Variants in SHBG observed in about 807,000 individuals in gnomAD.
The protein encoded by SHBG is sex hormone binding globulin.
SHBG carries 37 observed loss-of-function variants against 41.9 expected under a neutral mutation model. The observed-to-expected ratio is 0.88, with a 90% confidence interval of 0.68 to 1.16. The LOEUF (loss-of-function observed/expected upper bound fraction) is 1.16. Ranked by LOEUF, SHBG falls within the 50% of genes most tolerant of loss-of-function variation. The pLI is 0.00. For missense variants in SHBG, 466 were observed against 499.9 expected (o/e 0.93, Z 0.65); for synonymous variants, 217 against 205.8 (o/e 1.05, Z -0.47).
At chr17:7,628,740 C>G (rs1444778765), upstream of SHBG, among the ~76,000 whole-genome samples, 2 of 152,002 alleles carry the variant, frequency 1.3e-5, no homozygotes, top group African/African-American at 2.4e-5. Context: ...CCCACCAAGC[C>G]CGGTCTGTCA....
intron 1 of SHBG, chr17:7,614,234 G>C (rs2150950837): frequency 2.9e-6 from 2 of 687,786 alleles, no homozygotes; most frequent in South Asian, 1.5e-5. Flanking sequence ...CCCGGAGATG[G>C]GGGTAGAAGC....
chr17:7,615,474 G>A (rs553018696), intron 1 of SHBG, among the ~76,000 whole-genome samples: 7 of 152,252 alleles, frequency 4.6e-5, no homozygotes, highest in Non-Finnish European at 7.3e-5. Flanking sequence ...AGATTTAACA[G>A]TCATGGCTCT....
upstream of SHBG, chr17:7,628,108 T>TA (rs1438637124): frequency 4.3e-6 from 2 of 462,970 alleles, no homozygotes; most frequent in Non-Finnish European, 8.7e-6. Context: ...TATGCAGTGA[T>TA]AACCTGCTTT....
chr17:7,616,751 C>A (rs2072001167), intron 1 of SHBG, among the ~76,000 whole-genome samples: 1 of 151,962 alleles, frequency 6.6e-6, no homozygotes, highest in South Asian at 2.1e-4. Context: ...GCCTGGCCAA[C>A]ATGGTGAAAC....
At chr17:7,626,859 C>T (rs574625954), upstream of SHBG, 3 of 1,607,262 alleles carry the variant, frequency 1.9e-6, no homozygotes, top group Admixed American at 1.7e-5. Context: ...GAAAATGACA[C>T]CGGCTGGGCT....
intron 1 of SHBG, among the ~76,000 whole-genome samples, chr17:7,618,995 C>T (rs2072041726): frequency 6.6e-6 from 1 of 152,020 alleles, no homozygotes; most frequent in Non-Finnish European, 1.5e-5. Flanking sequence ...ACAGAGAGGA[C>T]AAGGCAGTTA....
rs747698825 is a variant in SHBG, at chr17:7,633,249, A to G, written c.1106A>G (p.Gln369Arg). Residue 369 changes from glutamine to arginine, a missense_variant, in exon 8 of 8, where the codon CAA (glutamine) becomes CGA (arginine). By Grantham distance (43) the Gln-to-Arg change is conservative. Coordinates refer to ENST00000380450, the MANE Select transcript of SHBG (RefSeq NM_001040.5). ...TTTTGCCTGAATGGCCTTTGGGCAC[A>G]AGGTCAGAGGCTGGATGTGGACCAG... is the stretch of plus-strand genomic sequence containing the variant. ...TSFCLNGLWA[Q>R]GQRLDVDQAL... The G allele has an allele frequency of 5.6e-6, 9 of 1,614,092 alleles. No homozygotes were observed. The highest frequency in any genetic ancestry group is 2.5e-6 in the Non-Finnish European group (3 of 1,180,046).
intron 1 of SHBG, among the ~76,000 whole-genome samples, chr17:7,619,836 A>G (rs1170062324): frequency 6.6e-6 from 1 of 152,174 alleles, no homozygotes; most frequent in Admixed American, 6.6e-5. Flanking sequence ...CTGAAGGGCT[A>G]GCTTTTCATC....
chr17:7,628,047 C>T (rs544365734), upstream of SHBG: 108 of 467,470 alleles, frequency 2.3e-4, no homozygotes, highest in Non-Finnish European at 3.4e-5. Context: ...CAACCTGGGT[C>T]GAGATACCCC....
At chr17:7,626,392 G>C, upstream of SHBG, 1 of 1,589,026 alleles carries the variant, frequency 6.3e-7, no homozygotes, top group South Asian at 1.1e-5. Context: ...TCTGAAGAGT[G>C]CTTCAGCTGA....
At chr17:7,614,402 C>T in intron 1 of SHBG, 1 of 1,352,678 alleles carries the variant, frequency 7.4e-7, no homozygotes, top group Non-Finnish European at 1.0e-6. Context: ...CCTGCTCCGG[C>T]CAGGGGAGGG....
Position 7,631,246 on chromosome 17 carries a change from G to A in SHBG, c.440G>A (p.Gly147Glu). 6.2e-7 allele frequency: 1 copy of A among 1,605,152 alleles called. No homozygotes were observed. The highest frequency in any genetic ancestry group is 1.1e-5 in the South Asian group (1 of 89,662). The stretch of plus-strand genomic sequence containing the variant: ...GACTCTGTGCTGCTGGAGGTGGATG[G>A]GGAGGAGGTGCTGCGCCTGAGACAG... ...EGDSVLLEVD[G>E]EEVLRLRQVS... Residue 147 changes from glycine (G) to glutamate (E), a missense_variant, in exon 4 of 8, where the codon GGG (glycine) becomes GAG (glutamate). Coordinates refer to ENST00000380450, the MANE Select transcript of SHBG (RefSeq NM_001040.5).
chr17:7,632,393 A>C (rs908531424), intron 6 of SHBG, among the ~76,000 whole-genome samples: 106 of 152,176 alleles, frequency 7.0e-4, no homozygotes, highest in Admixed American at 1.3e-3. Flanking sequence ...GCAGTGAGCT[A>C]TGATGTGCCA....
At chr17:7,628,086 T>C (rs563027407), upstream of SHBG, 8 of 465,510 alleles carry the variant, frequency 1.7e-5, no homozygotes, top group Admixed American at 1.6e-4. Context: ...CGCAGTGCTT[T>C]TTAAATTGAC....
At chr17:7,622,515 T>C (rs914028474) in intron 1 of SHBG, among the ~76,000 whole-genome samples, 1 of 151,816 alleles carries the variant, frequency 6.6e-6, no homozygotes, top group Admixed American at 6.6e-5. Flanking sequence ...TCAGGTGATC[T>C]GCCCACCTTG....
At chr17:7,616,133 C>T (rs2071982034) in intron 1 of SHBG, among the ~76,000 whole-genome samples, 1 of 150,822 alleles carries the variant, frequency 6.6e-6, no homozygotes, top group African/African-American at 2.4e-5. Flanking sequence ...ATGGTGAAAC[C>T]TCGTCTCTAC....
intron 1 of SHBG, chr17:7,614,541 C>G (rs774435702): frequency 1.4e-6 from 2 of 1,468,342 alleles, no homozygotes; most frequent in African/African-American, 1.5e-5. Flanking sequence ...ATGGCGCCGC[C>G]ACCGCCTCCG....
upstream of SHBG, chr17:7,627,270 G>A (rs758727744): frequency 3.7e-6 from 6 of 1,611,716 alleles, no homozygotes; most frequent in African/African-American, 5.3e-5. The surrounding 1 kb of genome is among the most constrained non-coding windows in gnomAD (Gnocchi z 4.8). Context: ...GAAAGAGGAC[G>A]TGGGTGTATG....
At chr17:7,632,131 AC>A (rs2072438681) in intron 6 of SHBG, 116 bp downstream of exon 6, 2 of 1,083,470 alleles carry the variant, frequency 1.8e-6, no homozygotes, top group South Asian at 2.5e-5. Flanking sequence ...ACATAACAAG[AC>A]TGGCTCCACA....
Sources: allele counts gnomAD v4.1 joint callset (sites outside exome capture counted in the v4.1 genomes callset), GRCh38; gene constraint gnomAD v4.1.1; non-coding constraint Gnocchi (gnomAD v3.1); transcripts MANE v1.5; gene names NCBI Gene and HGNC (gene_info 2026-07-23, HGNC 2026-07-21).